The following KPNA7 variants were observed in gnomAD, a reference collection of about 807,000 sequenced individuals.
KPNA7 encodes the protein karyopherin subunit alpha 7, also known as importin subunit alpha-8.
Under a neutral mutation model 53.7 loss-of-function variants are expected in KPNA7, and 54 were observed. That is an observed-to-expected ratio of 1.01 (90% CI 0.81 to 1.26). The LOEUF is 1.26. KPNA7 is among the 50% of genes most tolerant of loss of function. The probability of loss-of-function intolerance (pLI) is 0.00; values close to 1 mark genes in which losing one functional copy is unlikely to be tolerated. For synonymous variants in KPNA7, 276 were observed against 259.3 expected, an observed-to-expected ratio of 1.06 and a Z score of -0.62; for missense variants, 640 against 644.5, an observed-to-expected ratio of 0.99 and a Z score of 0.07.
chr7:99,210,870 G>A (rs1328646733), upstream of KPNA7, among the ~76,000 whole-genome samples: 1 of 151,938 alleles, frequency 6.6e-6, no homozygotes, highest in Non-Finnish European at 1.5e-5. Flanking sequence ...AGAGGCATGA[G>A]CCACTGCACC....
chr7:99,169,662 G>A (rs1584250973), downstream of KPNA7, among the ~76,000 whole-genome samples: 2 of 152,020 alleles, frequency 1.3e-5, no homozygotes, highest in Admixed American at 6.6e-5. Context: ...CCTGCCCAGA[G>A]AATGGAAGGA....
At chr7:99,163,685 C>T in the KPNA7 span, among the ~76,000 whole-genome samples, 1 of 151,658 alleles carries the variant, frequency 6.6e-6, no homozygotes, top group East Asian at 1.9e-4. Context: ...CCACGCCTGG[C>T]CTAGTGTGTA....
the KPNA7 span, among the ~76,000 whole-genome samples, chr7:99,152,300 T>A: frequency 6.7e-6 from 1 of 148,278 alleles, no homozygotes; most frequent in African/African-American, 2.5e-5. Flanking sequence ...AGGCAGAAGT[T>A]GCCGTGAGAC....
the KPNA7 span, among the ~76,000 whole-genome samples, chr7:99,165,642 A>AG: frequency 6.6e-6 from 1 of 152,176 alleles, no homozygotes; most frequent in African/African-American, 2.4e-5. Context: ...CATTTATCAA[A>AG]GGCCACCAAA....
intron 10 of KPNA7, among the ~76,000 whole-genome samples, chr7:99,176,234 G>A (rs1391147428): frequency 6.7e-6 from 1 of 148,166 alleles, no homozygotes; most frequent in African/African-American, 2.5e-5. Context: ...GGAGGTGGAG[G>A]TTGCAGTGAG....
At position 99,179,644 on chromosome 7, in the gene KPNA7, G is replaced by A. The variant is rs183013538; in HGVS notation, c.1318-1578C>T. Among the ~76,000 whole-genome samples the A allele has an allele frequency of 2.3e-3, 354 of 151,932 alleles. 2 individuals carry two copies. The highest frequency in any genetic ancestry group is 3.3e-3 in the Non-Finnish European group (225 of 67,982). On this transcript the variant is annotated intron_variant, in intron 9 of 10. Coordinates refer to ENST00000327442, the MANE Select transcript of KPNA7 (RefSeq NM_001145715.3). ...CTGTTGCCCAAGCTGGAGTGCAGTG[G>A]CATGATCTTGGCTCACTGCAACCTC...
In KPNA7 at chr7:99,180,707, C is replaced by G. The variant is rs867485848; in HGVS notation, c.1317+1176G>C. Reference sequence around the variant, plus strand: ...TCCCCGTCTGTGTCTCTGTCTGTGTCTCTCTCTCTCTCCGTCTGTGTCTCT... The same window carrying G: ...TCCCCGTCTGTGTCTCTGTCTGTGTGTCTCTCTCTCTCCGTCTGTGTCTCT... On this transcript the variant is annotated intron_variant, in intron 9 of 10. Coordinates refer to ENST00000327442, the MANE Select transcript of KPNA7 (RefSeq NM_001145715.3). Among the ~76,000 whole-genome samples, 10 of 137,280 alleles carry G rather than the reference C, an allele frequency of 7.3e-5. 2 individuals are homozygous for G. Among genetic ancestry groups the G allele is most frequent in the African/African-American group, 2.8e-4 (9 of 32,284 alleles). The allele number at this position is 137,280 out of a possible 152,430, so 90.1% of individuals were successfully genotyped here. A position where few individuals can be genotyped will look rare whatever the true frequency, so the allele number is the denominator to read the frequency against.
chr7:99,191,426 C>T (rs541871587), intron 6 of KPNA7, among the ~76,000 whole-genome samples: 1 of 152,192 alleles, frequency 6.6e-6, no homozygotes, highest in East Asian at 1.9e-4. Context: ...AGTGCTACCG[C>T]ATCCGGCCTC....
intron 9 of KPNA7, among the ~76,000 whole-genome samples, chr7:99,180,051 A>G (rs1799097293): frequency 1.3e-5 from 2 of 152,290 alleles, no homozygotes; most frequent in Admixed American, 6.5e-5. Flanking sequence ...GTGACCTCCA[A>G]GGTCACGTCA....
chr7:99,216,355 C>T (rs1783269129), intron 1 of KPNA7, among the ~76,000 whole-genome samples: 2 of 152,082 alleles, frequency 1.3e-5, no homozygotes, highest in Non-Finnish European at 2.9e-5. Flanking sequence ...TTCATTGGTT[C>T]TTCAAGTTTG....
At chr7:99,200,513 G>C (rs909071134) in intron 3 of KPNA7, among the ~76,000 whole-genome samples, 1 of 152,074 alleles carries the variant, frequency 6.6e-6, no homozygotes, top group Non-Finnish European at 1.5e-5. Flanking sequence ...AGACACTTGG[G>C]GTGCCACGAT....
chr7:99,211,191 G>A (rs1209928214), upstream of KPNA7, among the ~76,000 whole-genome samples: 4 of 152,166 alleles, frequency 2.6e-5, no homozygotes, highest in African/African-American at 7.2e-5. Flanking sequence ...AGGCCAAGAC[G>A]GGTGGATCAC....
the KPNA7 span, among the ~76,000 whole-genome samples, chr7:99,148,004 G>A: frequency 6.7e-6 from 1 of 148,328 alleles, no homozygotes; most frequent in South Asian, 2.1e-4. Flanking sequence ...ATCACAGAAT[G>A]AGACCCCATG....
At chr7:99,208,546 G>A (rs12705044), upstream of KPNA7, among the ~76,000 whole-genome samples, 9,254 of 150,102 alleles carry the variant, frequency 0.062, 317 homozygotes, top group South Asian at 0.16. Context: ...GTGAGCCACC[G>A]TGCCCGGCCA....
the KPNA7 span, among the ~76,000 whole-genome samples, chr7:99,167,981 T>TCCC: frequency 6.4e-4 from 88 of 137,412 alleles, no homozygotes; most frequent in Non-Finnish European, 7.9e-4. Context: ...CCCAAACCAT[T>TCCC]CCCCCACCCC....
chr7:99,203,340 A>G lies in KPNA7; in HGVS notation c.67-100T>C, dbSNP rs1406088746. The stretch of plus-strand genomic sequence containing the variant: ...AAAGCATCCAATTTCATTTTTACAG[A>G]TACAATAGGCTGGAAAAGTTCAGAT... On this transcript the variant is annotated intron_variant, in intron 2 of 10. Coordinates refer to ENST00000327442, the MANE Select transcript of KPNA7 (RefSeq NM_001145715.3). The G allele has an allele frequency of 4.8e-6, 6 of 1,256,964 alleles. No homozygotes were observed. In the Admixed American group the frequency reaches 8.7e-5, roughly 18 times the overall value. The allele number at this position is 1,256,964 out of a possible 1,614,324, so 77.9% of individuals were successfully genotyped here.
rs1403366051 is a variant in KPNA7, at chr7:99,203,118, G to C, written c.189C>G (p.Ala63=). ...FCPDTPSEKT[A]KGVAVSLTLG... ...ACTACATACTGACCGCCACCCCTTT[G>C]GCTGTTTTTTCAGAAGGTGTGTCAG... is the stretch of plus-strand genomic sequence containing the variant. The change falls in exon 3 of 11, where the codon GCC becomes GCG. Residue 63 remains alanine (A), a synonymous_variant. Transcript: ENST00000327442. 1.4e-5 allele frequency: 22 copies of C among 1,551,460 alleles called. No homozygotes were observed. Among genetic ancestry groups the C allele is most frequent in the Non-Finnish European group, 1.7e-5 (19 of 1,146,960 alleles).
Position 99,177,848 on chromosome 7 carries a change from G to A in KPNA7, c.1464+72C>T, listed in dbSNP as rs375122632. ...TGCCACACGCAACAGCCCAGGCCCCGGCAGGGTGACCCTCTGCAGAGCTGC... is the reference window on the plus strand; with the variant it reads ...TGCCACACGCAACAGCCCAGGCCCCAGCAGGGTGACCCTCTGCAGAGCTGC... On this transcript the variant is annotated intron_variant, in intron 10 of 10. Transcript: ENST00000327442. The A allele has an allele frequency of 4.7e-5, 70 of 1,479,162 alleles. No homozygotes were observed. The Admixed American group carries it at 8.0e-4, about 17-fold the overall frequency. 91.6% of individuals were successfully genotyped at this position (1,479,162 alleles called of 1,614,324 possible).
At chr7:99,174,813 A>AT (rs570102879) in intron 10 of KPNA7, among the ~76,000 whole-genome samples, 9,385 of 145,762 alleles carry the variant, frequency 0.064, 845 homozygotes, top group African/African-American at 0.21. Context: ...TCTCTTATTT[A>AT]TTATTTTTTT....
Sources: allele counts gnomAD v4.1 joint callset (sites outside exome capture counted in the v4.1 genomes callset), GRCh38; gene constraint gnomAD v4.1.1; transcripts MANE v1.5; gene names NCBI Gene and HGNC (gene_info 2026-07-23, HGNC 2026-07-21).